CSMD2: variants seen among roughly 807,000 people sequenced by gnomAD.
The protein encoded by CSMD2 is CUB and sushi domain-containing protein 2.
Under a neutral mutation model 398.5 loss-of-function variants are expected in CSMD2, and 130 were observed. The ratio of observed to expected loss-of-function variants is 0.33; its 90% CI spans 0.28 to 0.38. The LOEUF is 0.38. CSMD2 is among the 10% of genes least tolerant of loss of function. The pLI is 1.00. For missense variants in CSMD2, 3,829 were observed against 4,764.9 expected (o/e 0.80, Z 5.78); for synonymous variants, 1,828 against 1,908.5 (o/e 0.96, Z 1.10).
intron 5 of CSMD2, among the ~76,000 whole-genome samples, chr1:33,866,089 C>T (rs1169305937): frequency 2.6e-5 from 4 of 152,202 alleles, no homozygotes; most frequent in African/African-American, 9.6e-5. Flanking sequence ...ACACTTTCTA[C>T]TCTACTGCGC....
intron 5 of CSMD2, among the ~76,000 whole-genome samples, chr1:33,871,549 G>A (rs186961405): frequency 6.6e-6 from 1 of 152,322 alleles, no homozygotes; most frequent in Non-Finnish European, 1.5e-5. Context: ...TCTGGTGAGA[G>A]CCTTCTTATT....
intron 1 of CSMD2, among the ~76,000 whole-genome samples, chr1:34,131,347 A>AG (rs60950697): frequency 0.032 from 4,798 of 151,706 alleles, 228 homozygotes; most frequent in African/African-American, 0.1. Flanking sequence ...GGTGCAGGAG[A>AG]GGGGGGGGTC....
chr1:33,540,815 A>G (rs1656259216), intron 59 of CSMD2, 117 bp from the exon 60 acceptor site: 2 of 1,194,752 alleles, frequency 1.7e-6, no homozygotes, highest in African/African-American at 3.1e-5. Flanking sequence ...CTAAACAGGA[A>G]GAACCAGAAT....
intron 5 of CSMD2, chr1:33,864,765 GA>G: frequency 6.3e-7 from 1 of 1,583,336 alleles, no homozygotes; most frequent in Non-Finnish European, 8.6e-7. Context: ...GATCCAGTTT[GA>G]AAAAACAAAA....
intron 11 of CSMD2, among the ~76,000 whole-genome samples, chr1:33,791,271 C>G (rs1654276049): frequency 6.6e-6 from 1 of 152,156 alleles, no homozygotes; most frequent in Admixed American, 6.5e-5. Flanking sequence ...TTCTCTGAAA[C>G]CTTTGGGCCT....
chr1:34,154,140 C>A (rs1270597127), intron 1 of CSMD2, among the ~76,000 whole-genome samples: 1 of 152,190 alleles, frequency 6.6e-6, no homozygotes, highest in Non-Finnish European at 1.5e-5. Context: ...GCTTACTAGA[C>A]TTAACAGACT....
At chr1:34,149,078 G>C (rs753987649) in intron 1 of CSMD2, among the ~76,000 whole-genome samples, 1 of 152,130 alleles carries the variant, frequency 6.6e-6, no homozygotes, top group Non-Finnish European at 1.5e-5. Context: ...CCCAGGAATG[G>C]CTGAATAAAT....
chr1:33,884,257 CAT>C (rs1478005788), intron 5 of CSMD2, among the ~76,000 whole-genome samples: 1 of 151,982 alleles, frequency 6.6e-6, no homozygotes. Context: ...GGCTCCCAGA[CAT>C]CTATTTTCAA....
intron 25 of CSMD2, among the ~76,000 whole-genome samples, chr1:33,678,600 G>A (rs898241467): frequency 7.9e-5 from 12 of 152,190 alleles, no homozygotes; most frequent in Non-Finnish European, 1.5e-4. Context: ...GAATGCAGCT[G>A]CAATTATCCT....
chr1:33,583,729 C>T lies in CSMD2; in HGVS notation c.7153G>A (p.Val2385Met), dbSNP rs750548999. The T allele has an allele frequency of 1.2e-6, 2 of 1,614,086 alleles. No homozygotes were observed. Among genetic ancestry groups the T allele is most frequent in the African/African-American group, 2.7e-5 (2 of 74,936 alleles). ...ATGTTATAGTCGGGCTCCACTCTCA[C>T]CAGCCAAGAGCAGGTCTGGAACTGG... The part of the protein sequence containing the change: ...YPQFQTCSWL[V>M]RVEPDYNISL... Residue 2385 changes from valine (V) to methionine (M), a missense_variant, in exon 47 of 71, where the codon GTG becomes ATG. This residue lies in a region of CSMD2 where 723 missense variants were observed against 758.6 expected (regional missense o/e 0.95). Transcript: ENST00000373381.
intron 7 of CSMD2, among the ~76,000 whole-genome samples, chr1:33,822,484 C>T (rs1658269819): frequency 6.6e-6 from 1 of 152,140 alleles, no homozygotes; most frequent in Admixed American, 6.5e-5. Context: ...TGTGCTCAAG[C>T]CAGACACAGG....
intron 3 of CSMD2, among the ~76,000 whole-genome samples, chr1:33,993,053 A>G (rs1055165637): frequency 4.6e-5 from 7 of 152,180 alleles, no homozygotes; most frequent in Non-Finnish European, 1.0e-4. Flanking sequence ...CTGTGTCTGC[A>G]TATGTATATG....
chr1:33,991,140 G>C (rs377299348), intron 3 of CSMD2, among the ~76,000 whole-genome samples: 1 of 151,870 alleles, frequency 6.6e-6, no homozygotes, highest in African/African-American at 2.4e-5. Context: ...CAAGTAGCTA[G>C]GACTACAGGC....
intron 55 of CSMD2, among the ~76,000 whole-genome samples, chr1:33,554,577 C>A (rs1170550991): frequency 6.6e-6 from 1 of 152,134 alleles, no homozygotes; most frequent in Non-Finnish European, 1.5e-5. Context: ...CTGAATGACT[C>A]TCTTGTTAGG....
At chr1:34,099,579 GAGTTCAGAACA>G (rs1251579928) in intron 1 of CSMD2, among the ~76,000 whole-genome samples, 2 of 152,212 alleles carry the variant, frequency 1.3e-5, no homozygotes, top group African/African-American at 4.8e-5. Flanking sequence ...AGAAGTGAAG[GAGTTCAGAACA>G]GAGCCTCTGG....
intron 44 of CSMD2, 78 bp from the exon 45 acceptor site, chr1:33,587,246 C>A: frequency 9.2e-7 from 1 of 1,089,678 alleles, no homozygotes; most frequent in Non-Finnish European, 1.3e-6. Flanking sequence ...TTCAATTCTT[C>A]ACTTTCTCAT....
In CSMD2 at chr1:33,519,512, G is replaced by A. The variant is rs747765036; in HGVS notation, c.*6C>T. ...CGGTGGCGGTGGTGGCGGCCAGGCC[G>A]GGTGGCTATACTGCTGTGCACACTG... On this transcript the variant is annotated 3_prime_UTR_variant, in exon 70 of 71. Coordinates refer to ENST00000373381, the MANE Select transcript of CSMD2 (RefSeq NM_001281956.2). The surrounding 1 kb of genome is among the most constrained non-coding windows in gnomAD (Gnocchi z 5.6). 34 of 1,612,384 alleles carry A rather than the reference G, an allele frequency of 2.1e-5. No homozygotes were observed. The East Asian group carries it at 2.5e-4, about 12-fold the overall frequency.
chr1:33,979,613 G>A (rs1646092601), intron 3 of CSMD2, among the ~76,000 whole-genome samples: 1 of 152,180 alleles, frequency 6.6e-6, no homozygotes, highest in Admixed American at 6.5e-5. Context: ...TTAGCCCACA[G>A]AGCCTAAATC....
intron 3 of CSMD2, among the ~76,000 whole-genome samples, chr1:33,958,115 C>T (rs927082330): frequency 2.0e-5 from 3 of 152,110 alleles, no homozygotes; most frequent in African/African-American, 7.2e-5. Context: ...TCGCTCCCAC[C>T]CCCACGCCTT....
Sources: allele counts gnomAD v4.1 joint callset (sites outside exome capture counted in the v4.1 genomes callset), GRCh38; gene constraint gnomAD v4.1.1; regional missense constraint gnomAD v4.1.1; non-coding constraint Gnocchi (gnomAD v3.1); transcripts MANE v1.5; gene names NCBI Gene and HGNC (gene_info 2026-07-23, HGNC 2026-07-21).